Variants in PCDHGB6 observed in about 807,000 individuals in gnomAD.
PCDHGB6 encodes the protein protocadherin gamma-B6.
In PCDHGB6, 51 loss-of-function variants were observed where a neutral mutation model predicts 59.1. The ratio of observed to expected loss-of-function variants is 0.86; its 90% CI spans 0.69 to 1.09. The LOEUF (loss-of-function observed/expected upper bound fraction) is 1.09. PCDHGB6 is among the 50% of genes least tolerant of loss of function. The probability of loss-of-function intolerance (pLI) is 0.00; values close to 1 mark genes in which losing one functional copy is unlikely to be tolerated. For missense variants in PCDHGB6, 1,148 were observed against 1,205.1 expected (o/e 0.95, Z 0.70); for synonymous variants, 466 against 495.1 (o/e 0.94, Z 0.78).
chr5:141,505,302 G>GTAC, intron 2 of PCDHGB6, 91 bp from the exon 3 acceptor site: 5 of 1,592,714 alleles, frequency 3.1e-6, no homozygotes, highest in Non-Finnish European at 4.3e-6. Context: ...TAGGGTTAGG[G>GTAC]TACTAGGTTT....
Position 141,418,242 on chromosome 5 carries a change from A to T in PCDHGB6, c.2418+7622A>T, listed in dbSNP as rs779996033. ...ATTGTGGTGATTGAGGATGTTAATG[A>T]CCACGCCCCTCAATTCCGGAAAGAT... On this transcript the variant is annotated intron_variant, in intron 1 of 3. Transcript: ENST00000520790. The T allele has an allele frequency of 3.7e-6, 6 of 1,613,896 alleles. No individual in the cohort carries two copies. The East Asian group carries it at 1.3e-4, about 36-fold the overall frequency.
At chr5:141,418,305 G>T in intron 1 of PCDHGB6, 1 of 1,614,026 alleles carries the variant, frequency 6.2e-7, no homozygotes, top group South Asian at 1.1e-5. Context: ...GTCAGCCTGG[G>T]GATGGGAACA....
intron 1 of PCDHGB6, among the ~76,000 whole-genome samples, chr5:141,425,045 C>T (rs1374682125): frequency 6.6e-6 from 1 of 152,136 alleles, no homozygotes; most frequent in East Asian, 1.9e-4. Context: ...TGTAAACTGA[C>T]TATCTAGGGC....
At position 141,485,325 on chromosome 5, in the gene PCDHGB6, A is replaced by T; in HGVS notation, c.2419-9482A>T. 6.2e-7 allele frequency: 1 copy of T among 1,614,078 alleles called. No homozygotes were observed. Among genetic ancestry groups the T allele is most frequent in the Non-Finnish European group, 8.5e-7 (1 of 1,180,014 alleles). ...ACTTTTGTAGGGAATGTCGCTCAAG[A>T]TTTCCTGCTGGATACGGACAGTCTG... is the stretch of plus-strand genomic sequence containing the variant. On this transcript the variant is annotated intron_variant, in intron 1 of 3. Coordinates refer to ENST00000520790, the MANE Select transcript of PCDHGB6 (RefSeq NM_018926.3). This position sits in a 1 kb window ranked among gnomAD's most constrained non-coding sequence, Gnocchi z 5.7.
chr5:141,414,023 A>G lies in PCDHGB6; in HGVS notation c.2418+3403A>G, dbSNP rs746044242. 5 of 1,612,692 alleles carry G rather than the reference A, an allele frequency of 3.1e-6. No homozygotes were observed. The highest frequency in any genetic ancestry group is 2.2e-5 in the East Asian group (1 of 44,836). ...GAAGGTGCCAATGGAGAAGTGACAT[A>G]TTCATTCCGAAAATTACCTGACACG... On this transcript the variant is annotated intron_variant, in intron 1 of 3. Transcript: ENST00000520790.
chr5:141,409,686 A>T lies in PCDHGB6; in HGVS notation c.1484A>T (p.Asp495Val). 3 of 1,613,350 alleles carry T rather than the reference A, an allele frequency of 1.9e-6. No individual in the cohort carries two copies. The highest frequency in any genetic ancestry group is 2.5e-6 in the Non-Finnish European group (3 of 1,179,866). The change falls in exon 1 of 4, where the codon GAC becomes GTC. Residue 495 changes from aspartate (D) to valine (V), a missense_variant. Transcript: ENST00000520790. ...GHISYSIVASDLEPLAVSSYV... is the reference protein window; with the variant it reads ...GHISYSIVASVLEPLAVSSYV... ...ATCTCCTACTCTATAGTGGCGAGTGACCTAGAGCCCCTGGCGGTGTCGTCA... is the reference window on the plus strand; with the variant it reads ...ATCTCCTACTCTATAGTGGCGAGTGTCCTAGAGCCCCTGGCGGTGTCGTCA...
At position 141,485,120 on chromosome 5, in the gene PCDHGB6, G is replaced by T; in HGVS notation, c.2419-9687G>T. The T allele has an allele frequency of 7.4e-7, 1 of 1,348,050 alleles. No individual in the cohort carries two copies. Among genetic ancestry groups the T allele is most frequent in the Non-Finnish European group, 1.0e-6 (1 of 952,710 alleles). 83.5% of individuals were successfully genotyped at this position (1,348,050 alleles called of 1,614,324 possible). On this transcript the variant is annotated intron_variant, in intron 1 of 3. Transcript: ENST00000520790. The surrounding 1 kb of genome is among the most constrained non-coding windows in gnomAD (Gnocchi z 5.7). ...TCCAGCTGCTGTGGCTGTTTGGGGC[G>T]GGTCGGCTTCATCCGCGTCTCAGGA...
Position 141,409,039 on chromosome 5 carries a change from C to G in PCDHGB6, c.837C>G (p.Tyr279Ter). ...QDEGVNAEIN[Y>*]YFRSTAQSTK... ...AGGGGGTCAATGCTGAGATAAACTA[C>G]TACTTCCGAAGCACTGCCCAGAGCA... is the stretch of plus-strand genomic sequence containing the variant. The change falls in exon 1 of 4, where the codon TAC becomes TAG. Residue 279 changes from tyrosine to a stop codon, truncating the protein, a stop_gained. Transcript: ENST00000520790. LOFTEE classifies it high-confidence loss of function. The G allele has an allele frequency of 1.9e-6, 3 of 1,614,004 alleles. No homozygotes were observed. Among genetic ancestry groups the G allele is most frequent in the Non-Finnish European group, 1.7e-6 (2 of 1,179,890 alleles).
intron 1 of PCDHGB6, among the ~76,000 whole-genome samples, chr5:141,484,795 C>T (rs1265916821): frequency 6.6e-6 from 1 of 151,784 alleles, no homozygotes; most frequent in African/African-American, 2.4e-5. Context: ...AGATAACAAC[C>T]CGTGGAAAAA....
rs2099710738 is a variant in PCDHGB6, at chr5:141,491,331, T to C, written c.2419-3476T>C. 6.2e-7 allele frequency: 1 copy of C among 1,614,170 alleles called. No homozygotes were observed. The highest frequency in any genetic ancestry group is 8.5e-7 in the Non-Finnish European group (1 of 1,180,018). On this transcript the variant is annotated intron_variant, in intron 1 of 3. Coordinates refer to ENST00000520790, the MANE Select transcript of PCDHGB6 (RefSeq NM_018926.3). The surrounding 1 kb of genome is among the most constrained non-coding windows in gnomAD (Gnocchi z 6.9). ...ACCTTACCCTTTACCTCATTGTGGC[T>C]CTAGCGACCGTCAGTCTCTTATCCC...
chr5:141,501,331 A>ACC (rs906542724), intron 2 of PCDHGB6, among the ~76,000 whole-genome samples: 1 of 138,846 alleles, frequency 7.2e-6, no homozygotes, highest in Non-Finnish European at 1.6e-5. Flanking sequence ...ACACACACAC[A>ACC]CACCCCAAAC....
In PCDHGB6 at chr5:141,432,921, A is replaced by G; in HGVS notation, c.2418+22301A>G. On this transcript the variant is annotated intron_variant, in intron 1 of 3. Transcript: ENST00000520790. The surrounding 1 kb of genome is among the most constrained non-coding windows in gnomAD (Gnocchi z 6.0). ...GCGCTCAGGCTGCGGCGCTGGCACAAGTCACGCCTGCTGCAGGCTTCAGGA... is the reference window on the plus strand; with the variant it reads ...GCGCTCAGGCTGCGGCGCTGGCACAGGTCACGCCTGCTGCAGGCTTCAGGA... 6.2e-7 allele frequency: 1 copy of G among 1,614,114 alleles called. No individual in the cohort carries two copies. The highest frequency in any genetic ancestry group is 1.7e-4 in the Middle Eastern group (1 of 6,060).
At chr5:141,474,892 A>G (rs1419975508) in intron 1 of PCDHGB6, among the ~76,000 whole-genome samples, 1 of 152,208 alleles carries the variant, frequency 6.6e-6, no homozygotes, top group Non-Finnish European at 1.5e-5. Context: ...TTAGAGGTTC[A>G]TTTCTTGTTC....
At chr5:141,436,208 A>G (rs1287696925) in intron 1 of PCDHGB6, among the ~76,000 whole-genome samples, 1 of 152,152 alleles carries the variant, frequency 6.6e-6, no homozygotes, top group Non-Finnish European at 1.5e-5. Context: ...CATAATAGGA[A>G]AACAAATGAC....
intron 1 of PCDHGB6, among the ~76,000 whole-genome samples, chr5:141,444,006 G>T (rs1279816416): frequency 2.0e-5 from 3 of 152,012 alleles, no homozygotes; most frequent in Non-Finnish European, 4.4e-5. Flanking sequence ...TGCTACCTGG[G>T]TATTGGCTTC....
Position 141,511,464 on chromosome 5 carries a change from C to G in PCDHGB6, c.*291C>G. 1.9e-6 allele frequency: 1 copy of G among 538,254 alleles called. No individual in the cohort carries two copies. The highest frequency in any genetic ancestry group is 2.1e-5 in the South Asian group (1 of 47,028). The allele number at this position is 538,254 out of a possible 1,614,324, so 33.3% of individuals were successfully genotyped here. On this transcript the variant is annotated 3_prime_UTR_variant, in exon 4 of 4. Transcript: ENST00000520790. ...ACACCAAGAACCATTTGCCACACCC[C>G]GTTTAGTTACAGCTGAACTCCTCCA...
chr5:141,445,305 T>C (rs899306819), intron 1 of PCDHGB6, among the ~76,000 whole-genome samples: 2 of 152,204 alleles, frequency 1.3e-5, no homozygotes, highest in Non-Finnish European at 1.5e-5. Context: ...TCTCTTCAGT[T>C]TGTAGGTTGA....
intron 3 of PCDHGB6, among the ~76,000 whole-genome samples, chr5:141,505,942 G>A (rs2099849309): frequency 6.6e-6 from 1 of 152,192 alleles, no homozygotes; most frequent in African/African-American, 2.4e-5. Flanking sequence ...AAGCCCTCAA[G>A]CAATGAAAGT....
At position 141,477,843 on chromosome 5, in the gene PCDHGB6, C is replaced by T; in HGVS notation, c.2419-16964C>T. The T allele has an allele frequency of 6.2e-7, 1 of 1,613,408 alleles. No homozygotes were observed. Among genetic ancestry groups the T allele is most frequent in the Non-Finnish European group, 8.5e-7 (1 of 1,179,796 alleles). On this transcript the variant is annotated intron_variant, in intron 1 of 3. Coordinates refer to ENST00000520790, the MANE Select transcript of PCDHGB6 (RefSeq NM_018926.3). The surrounding 1 kb of genome is among the most constrained non-coding windows in gnomAD (Gnocchi z 4.9). Reference sequence around the variant, plus strand: ...CTATATCCTCGGCCAGGTGGGAGCTCGGTGGAGATGCTGCCTCGAGGTACC... The same window carrying T: ...CTATATCCTCGGCCAGGTGGGAGCTTGGTGGAGATGCTGCCTCGAGGTACC...
Sources: gnomAD v4.1 joint callset for allele counts (sites outside exome capture counted in the v4.1 genomes callset) on GRCh38, gnomAD v4.1.1 for gene constraint, Gnocchi (gnomAD v3.1) non-coding constraint, MANE v1.5 for transcripts, NCBI Gene and HGNC (gene_info 2026-07-23, HGNC 2026-07-21) for gene names.